Variants in PKD2L2 observed in about 807,000 individuals in gnomAD.
PKD2L2 encodes polycystin 2 like 2, transient receptor potential cation channel.
In PKD2L2, 67 loss-of-function variants were observed where a neutral mutation model predicts 83.9. The observed-to-expected ratio is 0.80, with a 90% confidence interval of 0.66 to 0.98. The LOEUF is 0.98. PKD2L2 is among the 50% of genes least tolerant of loss of function. PKD2L2 has a pLI of 0.00. For synonymous variants in PKD2L2, 223 were observed against 237.8 expected (o/e 0.94, Z 0.57); for missense variants, 632 against 717.2 (o/e 0.88, Z 1.36).
At chr5:137,899,049 T>C (rs578194248) in intron 4 of PKD2L2, among the ~76,000 whole-genome samples, 2 of 152,352 alleles carry the variant, frequency 1.3e-5, no homozygotes, top group South Asian at 2.1e-4. Context: ...TTAAAATTAC[T>C]AGAATACTTA....
intron 11 of PKD2L2, 74 bp downstream of exon 11, chr5:137,925,178 T>C: frequency 1.1e-6 from 1 of 915,766 alleles, no homozygotes; most frequent in Non-Finnish European, 1.7e-6. Flanking sequence ...TATAAGGTTT[T>C]TTTTGTTTTT....
chr5:137,905,421 G>A (rs1757288646), intron 5 of PKD2L2, among the ~76,000 whole-genome samples: 3 of 152,156 alleles, frequency 2.0e-5, no homozygotes, highest in Non-Finnish European at 4.4e-5. Context: ...TGTGTAAGAT[G>A]TAAGTTTTAT....
chr5:137,897,450 G>A (rs912988901), intron 4 of PKD2L2, among the ~76,000 whole-genome samples: 3 of 152,056 alleles, frequency 2.0e-5, no homozygotes, highest in Non-Finnish European at 4.4e-5. Context: ...GGAATCCTAA[G>A]ACTAATCTTT....
intron 3 of PKD2L2, among the ~76,000 whole-genome samples, chr5:137,893,848 T>C (rs1034452285): frequency 7.9e-5 from 12 of 152,170 alleles, no homozygotes; most frequent in Admixed American, 2.6e-4. Context: ...CACTTTGTTA[T>C]TGTGTTTTCT....
chr5:137,923,305 G>T (rs551680976), intron 9 of PKD2L2, 115 bp from the exon 10 acceptor site: 1 of 580,398 alleles, frequency 1.7e-6, no homozygotes, highest in South Asian at 2.1e-5. Flanking sequence ...GTGAGCCACC[G>T]CACCTGGCCT....
chr5:137,932,545 C>T (rs1759961087), intron 12 of PKD2L2, among the ~76,000 whole-genome samples: 1 of 152,062 alleles, frequency 6.6e-6, no homozygotes, highest in Non-Finnish European at 1.5e-5. Flanking sequence ...TAAATAATGA[C>T]TGCAGGAAGA....
chr5:137,904,644 G>GA (rs945756069), intron 5 of PKD2L2, among the ~76,000 whole-genome samples: 66 of 152,162 alleles, frequency 4.3e-4, no homozygotes, highest in African/African-American at 1.5e-3. Context: ...AAGAGGTTCA[G>GA]AAAAAAACTG....
intron 3 of PKD2L2, 70 bp from the exon 4 acceptor site, chr5:137,894,283 T>G: frequency 7.7e-7 from 1 of 1,297,526 alleles, no homozygotes; most frequent in Non-Finnish European, 1.1e-6. Flanking sequence ...CTCTTATGCA[T>G]AATGTTATGA....
At chr5:137,895,788 G>T (rs572926011) in intron 4 of PKD2L2, among the ~76,000 whole-genome samples, 2 of 149,576 alleles carry the variant, frequency 1.3e-5, no homozygotes, top group African/African-American at 4.9e-5. Context: ...TAAGGCACAA[G>T]AATCACTTGA....
Position 137,899,530 on chromosome 5 carries a change from C to T in PKD2L2, c.539C>T (p.Thr180Ile). 1 of 1,597,584 alleles carries T rather than the reference C, an allele frequency of 6.3e-7. No individual in the cohort carries two copies. Among genetic ancestry groups the T allele is most frequent in the Non-Finnish European group, 8.6e-7 (1 of 1,165,294 alleles). The change falls in exon 5 of 15, where the codon ACT becomes ATT. Residue 180 changes from threonine (T) to isoleucine (I), a missense_variant. Thr to Ile is a moderately conservative substitution (Grantham distance 89). Transcript: ENST00000508883. ...LQINTEWRYS[T>I]SNTNSPWHWG... is the part of the protein sequence containing the mutation. ...ATGTGTAACAGATGGAGATATTCTACTTCTAATACCAACTCCCCTTGGCAC... is the reference window on the plus strand; with the variant it reads ...ATGTGTAACAGATGGAGATATTCTATTTCTAATACCAACTCCCCTTGGCAC...
chr5:137,894,517 T>C lies in PKD2L2; in HGVS notation c.432T>C (p.Tyr144=). The part of the protein sequence containing the change: ...LKVRNNTCKV[Y]SSFQSLMSEC... ...TCCGCAACAACACATGCAAAGTCTA[T>C]TCATCTTTTCAGTCTTTGATGAGTG... is the stretch of plus-strand genomic sequence containing the variant. Residue 144 remains tyrosine, a synonymous_variant, in exon 4 of 15, where the codon TAT becomes TAC. Coordinates refer to ENST00000508883, the MANE Select transcript of PKD2L2 (RefSeq NM_001300921.2). The C allele has an allele frequency of 1.2e-6, 2 of 1,613,474 alleles. No homozygotes were observed. The highest frequency in any genetic ancestry group is 2.7e-5 in the African/African-American group (2 of 75,052).
chr5:137,891,470 A>C (rs77342719), intron 2 of PKD2L2, among the ~76,000 whole-genome samples: 1 of 143,326 alleles, frequency 7.0e-6, no homozygotes, highest in Non-Finnish European at 1.5e-5. Flanking sequence ...TGTCCCAAGG[A>C]AAAAAAAAAA....
At chr5:137,892,112 C>G (rs1756042065) in intron 2 of PKD2L2, among the ~76,000 whole-genome samples, 1 of 152,232 alleles carries the variant, frequency 6.6e-6, no homozygotes, top group African/African-American at 2.4e-5. Flanking sequence ...GACTCACACC[C>G]TTATCTGTCT....
At position 137,935,855 on chromosome 5, in the gene PKD2L2, A is replaced by C. The variant is rs371523481; in HGVS notation, c.1730A>C (p.Tyr577Ser). ...AAAGAGAGGCTTGAGAAAAAGTATT[A>C]TTCTATGGAAATTCAAGATGACTAC... ...KWKERLEKKY[Y>S]SMEIQDDYQP... is the part of the protein sequence containing the mutation. The change falls in exon 13 of 15, where the codon TAT becomes TCT. Residue 577 changes from tyrosine to serine, a missense_variant. By Grantham distance (144) the Tyr-to-Ser change is moderately radical. Coordinates refer to ENST00000508883, the MANE Select transcript of PKD2L2 (RefSeq NM_001300921.2). 3.1e-5 allele frequency: 50 copies of C among 1,611,622 alleles called. No homozygotes were observed. Among genetic ancestry groups the C allele is most frequent in the Non-Finnish European group, 4.0e-5 (47 of 1,177,830 alleles).
intron 12 of PKD2L2, among the ~76,000 whole-genome samples, chr5:137,934,534 C>T (rs532006688): frequency 6.6e-6 from 1 of 152,042 alleles, no homozygotes; most frequent in Non-Finnish European, 1.5e-5. Context: ...TAAGGCTGGG[C>T]GCGGTGGCTC....
chr5:137,903,687 AT>A (rs1317275873), intron 5 of PKD2L2, among the ~76,000 whole-genome samples: 5 of 152,314 alleles, frequency 3.3e-5, no homozygotes, highest in South Asian at 2.1e-4. Flanking sequence ...TCCTAAATAA[AT>A]TTTGAAATAA....
intron 14 of PKD2L2, chr5:137,940,025 T>C (rs1761168885): frequency 6.2e-7 from 1 of 1,612,004 alleles, no homozygotes; most frequent in Admixed American, 1.7e-5. Flanking sequence ...CTGTGGTTAA[T>C]ATGGAACATC....
chr5:137,891,355 A>G (rs1303322819), intron 2 of PKD2L2, among the ~76,000 whole-genome samples: 1 of 152,092 alleles, frequency 6.6e-6, no homozygotes, highest in Non-Finnish European at 1.5e-5. Flanking sequence ...AGTCCTAGCT[A>G]CTGAGAAGGC....
intron 8 of PKD2L2, among the ~76,000 whole-genome samples, chr5:137,909,452 A>AT (rs1326650104): frequency 6.7e-6 from 1 of 149,990 alleles, no homozygotes; most frequent in Non-Finnish European, 1.5e-5. Context: ...ATAATTTTTC[A>AT]TTTTTCATTG....
Sources: gnomAD v4.1 joint callset for allele counts (sites outside exome capture counted in the v4.1 genomes callset) on GRCh38, gnomAD v4.1.1 for gene constraint, MANE v1.5 for transcripts, NCBI Gene and HGNC (gene_info 2026-07-23, HGNC 2026-07-21) for gene names.